Variants in ZNF541 observed in about 807,000 individuals in gnomAD.
ZNF541 encodes zinc finger protein 541.
A neutral mutation model predicts 123.5 loss-of-function variants in ZNF541; 23 were observed. That is an observed-to-expected ratio of 0.19 (90% CI 0.13 to 0.26). The LOEUF is 0.26. Ranked by LOEUF, ZNF541 falls within the 10% of genes least tolerant of loss-of-function variation. The pLI, the probability that ZNF541 is intolerant of heterozygous loss-of-function variation, is 1.00. For missense variants in ZNF541, 1,612 were observed against 1,789.9 expected (o/e 0.90, Z 1.79); for synonymous variants, 751 against 754.5 (o/e 1.00, Z 0.08).
chr19:47,524,309 G>A (rs987703268), intron 14 of ZNF541, among the ~76,000 whole-genome samples: 1 of 152,200 alleles, frequency 6.6e-6, no homozygotes, highest in African/African-American at 2.4e-5. Context: ...CACATCAGGA[G>A]GAGAAAACCC....
At position 47,544,597 on chromosome 19, in the gene ZNF541, T is replaced by C. The variant is rs753643283; in HGVS notation, c.1932A>G (p.Arg644=). Residue 644 remains arginine (R), a synonymous_variant, in exon 5 of 17, where the codon AGA becomes AGG. Transcript: ENST00000391901. Reference sequence around the variant, plus strand: ...CTTTCAGTCCCCCCTTTGCGTCTCGTCTCGTGCTGCCGGGGGAGGCCTCTC... The same window carrying C: ...CTTTCAGTCCCCCCTTTGCGTCTCGCCTCGTGCTGCCGGGGGAGGCCTCTC... The part of the protein sequence containing the change: ...VPREASPGST[R]RDAKGGLKVA... 21 of 1,550,794 alleles carry C rather than the reference T, an allele frequency of 1.4e-5. No individual in the cohort carries two copies. The highest frequency in any genetic ancestry group is 1.8e-5 in the Non-Finnish European group (21 of 1,146,850).
At position 47,571,945 on chromosome 19, in the gene ZNF541, G is replaced by T. The variant is rs531969344; in HGVS notation, c.-148C>A. ...CAGGGAACAGGAGGACCCAGTTTAG[G>T]CCCCACAGGGAGGGGGTTCAGGTGA... On this transcript the variant is annotated 5_prime_UTR_variant, in exon 2 of 17. Coordinates refer to ENST00000391901, the MANE Select transcript of ZNF541 (RefSeq NM_001277075.3). Among the ~76,000 whole-genome samples, 1 of 152,290 alleles carries T rather than the reference G, an allele frequency of 6.6e-6. No individual in the cohort carries two copies.
At chr19:47,543,406 C>G (rs1970166125) in intron 5 of ZNF541, among the ~76,000 whole-genome samples, 1 of 152,210 alleles carries the variant, frequency 6.6e-6, no homozygotes, top group East Asian at 1.9e-4. Context: ...TATCAATGTG[C>G]TTAAGTGTGG....
chr19:47,567,402 G>A (rs547881948), intron 2 of ZNF541, among the ~76,000 whole-genome samples: 2 of 152,220 alleles, frequency 1.3e-5, no homozygotes, highest in Admixed American at 1.3e-4. Context: ...GGGATTACAG[G>A]CGCCCGCCAT....
rs1461778449 is a variant in ZNF541 at position 47,544,230 on chromosome 19, A to G, written c.2299T>C (p.Cys767Arg). The change falls in exon 5 of 17, where the codon TGC becomes CGC. Residue 767 changes from cysteine (C) to arginine (R), a missense_variant. Physicochemically the swap from Cys to Arg is radical, Grantham distance 180. This residue lies in a region of ZNF541 where 1,080 missense variants were observed against 1,013.8 expected (regional missense o/e 1.07). Transcript: ENST00000391901. ...FRKEKAKMDM[C>R]CAASPSQVAM... ...ACCTGGCTCGGAGAAGCCGCACAGC[A>G]CATATCCATCTTCGCCTTCTCTTTC... The G allele has an allele frequency of 6.4e-7, 1 of 1,551,492 alleles. No homozygotes were observed. The highest frequency in any genetic ancestry group is 8.7e-7 in the Non-Finnish European group (1 of 1,147,000).
In ZNF541 at chr19:47,538,384, T is replaced by A. The variant is rs1218216119; in HGVS notation, c.2852A>T (p.Lys951Met). ...GGAGGGTGGGGGCCGCTTCTTCCGCTTTCTCTGCTGGCTGCTCTCCTTGCT... is the reference window on the plus strand; with the variant it reads ...GGAGGGTGGGGGCCGCTTCTTCCGCATTCTCTGCTGGCTGCTCTCCTTGCT... ...RDSKESSQQR[K>M]RKKRPPPSTA... The change falls in exon 9 of 17, where the codon AAG becomes ATG. Residue 951 changes from lysine to methionine, a missense_variant. Transcript: ENST00000391901. 1.3e-6 allele frequency: 2 copies of A among 1,544,124 alleles called. No homozygotes were observed. Among genetic ancestry groups the A allele is most frequent in the Admixed American group, 2.0e-5 (1 of 50,012 alleles).
At chr19:47,566,711 A>C (rs1971277745) in intron 2 of ZNF541, among the ~76,000 whole-genome samples, 3 of 151,246 alleles carry the variant, frequency 2.0e-5, no homozygotes, top group Non-Finnish European at 4.4e-5. Context: ...ATGCCACTGC[A>C]CTCCATCCTG....
At position 47,524,219 on chromosome 19, in the gene ZNF541, C is replaced by A. The variant is rs1969179112; in HGVS notation, c.3571-2225G>T. Among the ~76,000 whole-genome samples the A allele has an allele frequency of 2.0e-5, 3 of 152,162 alleles. No homozygotes were observed. The South Asian group carries it at 6.2e-4, about 32-fold the overall frequency. ...AATATTTACAAGGCTGCAAAAATAT[C>A]CAGCATCCAACAGCTAACATTCACA... On this transcript the variant is annotated intron_variant, in intron 14 of 16. Coordinates refer to ENST00000391901, the MANE Select transcript of ZNF541 (RefSeq NM_001277075.3).
Position 47,531,622 on chromosome 19 carries a change from G to C in ZNF541, c.3405+20C>G. On this transcript the variant is annotated intron_variant, in intron 12 of 16. Transcript: ENST00000391901. Reference sequence around the variant, plus strand: ...CCTGGGCCCCAGGAAAGCAGGGAGGGTCCCCTTGCTGTTCCTCACCTGAAC... The same window carrying C: ...CCTGGGCCCCAGGAAAGCAGGGAGGCTCCCCTTGCTGTTCCTCACCTGAAC... 6.6e-7 allele frequency: 1 copy of C among 1,515,464 alleles called. No individual in the cohort carries two copies. The highest frequency in any genetic ancestry group is 8.9e-7 in the Non-Finnish European group (1 of 1,119,800). 93.9% of individuals were successfully genotyped at this position (1,515,464 alleles called of 1,614,324 possible). A position where few individuals can be genotyped will look rare whatever the true frequency, so the allele number is the denominator to read the frequency against.
intron 13 of ZNF541, among the ~76,000 whole-genome samples, chr19:47,529,339 T>C (rs1433382727): frequency 6.6e-6 from 1 of 152,006 alleles, no homozygotes; most frequent in Non-Finnish European, 1.5e-5. Context: ...CTGGCCATGA[T>C]CATTCCCCTT....
At chr19:47,546,028 G>T in intron 4 of ZNF541, 48 bp from the exon 5 acceptor site, 1 of 1,428,034 alleles carries the variant, frequency 7.0e-7, no homozygotes, top group Non-Finnish European at 9.2e-7. Context: ...CTGGGACCGG[G>T]CTTTCTGCTG....
chr19:47,563,110 T>G (rs1334402858), intron 2 of ZNF541, among the ~76,000 whole-genome samples: 1 of 152,224 alleles, frequency 6.6e-6, no homozygotes, highest in African/African-American at 2.4e-5. Flanking sequence ...GCATGTTATA[T>G]GTCTACCTGC....
chr19:47,529,367 G>A (rs540298542), intron 13 of ZNF541, among the ~76,000 whole-genome samples: 2 of 152,130 alleles, frequency 1.3e-5, no homozygotes, highest in Admixed American at 6.6e-5. Flanking sequence ...GGCAGAGTCC[G>A]TAAGGAAACC....
intron 5 of ZNF541, among the ~76,000 whole-genome samples, chr19:47,542,355 CT>C (rs1249495657): frequency 6.6e-6 from 1 of 152,134 alleles, no homozygotes; most frequent in Non-Finnish European, 1.5e-5. Context: ...CAACGCTACA[CT>C]TTAAAATGGT....
chr19:47,526,002 C>A (rs1969277334), intron 14 of ZNF541, among the ~76,000 whole-genome samples: 2 of 147,036 alleles, frequency 1.4e-5, no homozygotes, highest in African/African-American at 2.5e-5. Flanking sequence ...TTCTTAGATA[C>A]AACACCAAAA....
At chr19:47,550,448 AAAAG>A (rs1421387192) in intron 3 of ZNF541, among the ~76,000 whole-genome samples, 13 of 152,184 alleles carry the variant, frequency 8.5e-5, no homozygotes, top group Middle Eastern at 3.4e-3. Context: ...AGAAAGAAAG[AAAAG>A]AAAGAAAGAA....
chr19:47,526,501 G>GAAAAA (rs570156366), intron 14 of ZNF541, among the ~76,000 whole-genome samples: 4 of 137,186 alleles, frequency 2.9e-5, no homozygotes, highest in East Asian at 2.1e-4. Flanking sequence ...AAAAAAAAAA[G>GAAAAA]AAAACACAGA....
chr19:47,558,705 G>A (rs112759155), intron 2 of ZNF541, among the ~76,000 whole-genome samples: 2 of 148,724 alleles, frequency 1.3e-5, no homozygotes, highest in African/African-American at 2.5e-5. Flanking sequence ...GCAATTCTCT[G>A]TCTCAGCCGG....
chr19:47,563,439 G>C (rs1198660335), intron 2 of ZNF541, among the ~76,000 whole-genome samples: 1 of 152,058 alleles, frequency 6.6e-6, no homozygotes, highest in African/African-American at 2.4e-5. Flanking sequence ...AGAGCTTTTT[G>C]GGTTTCCAAA....
Sources: gnomAD v4.1 joint callset for allele counts (sites outside exome capture counted in the v4.1 genomes callset) on GRCh38, gnomAD v4.1.1 for gene constraint, gnomAD v4.1.1 regional missense constraint, MANE v1.5 for transcripts, NCBI Gene and HGNC (gene_info 2026-07-23, HGNC 2026-07-21) for gene names.